Variants in MIOS observed in about 807,000 individuals in gnomAD.
MIOS encodes the protein meiosis regulator for oocyte development.
A neutral mutation model predicts 96.9 loss-of-function variants in MIOS; 52 were observed. The observed-to-expected ratio is 0.54, with a 90% CI of 0.43 to 0.68. MIOS has a LOEUF of 0.68. Ranked by LOEUF, MIOS falls within the 30% of genes least tolerant of loss-of-function variation. The pLI is 0.00. For synonymous variants in MIOS, 397 were observed against 359.5 expected (o/e 1.10, Z -1.18); for missense variants, 1,005 against 1,052.8 (o/e 0.95, Z 0.63).
chr7:7,587,899 T>C (rs548550286), intron 7 of MIOS, among the ~76,000 whole-genome samples: 41 of 152,332 alleles, frequency 2.7e-4, no homozygotes, highest in Non-Finnish European at 5.1e-4. Context: ...TCAAAAGTGT[T>C]TCATGATATT....
intron 11 of MIOS, among the ~76,000 whole-genome samples, chr7:7,600,823 C>T (rs1583657582): frequency 6.6e-6 from 1 of 152,146 alleles, no homozygotes. Flanking sequence ...GGAAGTAAAG[C>T]ACTCCTCAGC....
intron 3 of MIOS, among the ~76,000 whole-genome samples, chr7:7,569,890 A>G (rs1332685848): frequency 6.6e-6 from 1 of 152,238 alleles, no homozygotes; most frequent in Admixed American, 6.5e-5. Context: ...TATATACTCT[A>G]GGAAGTGGAA....
intron 9 of MIOS, among the ~76,000 whole-genome samples, chr7:7,593,408 CT>C (rs3840622): frequency 2.0e-5 from 3 of 151,070 alleles, no homozygotes; most frequent in Non-Finnish European, 3.0e-5. Flanking sequence ...GATTTTTGTT[CT>C]TTTTTTTTAT....
intron 5 of MIOS, among the ~76,000 whole-genome samples, chr7:7,578,953 T>C (rs905600389): frequency 6.6e-6 from 1 of 152,154 alleles, no homozygotes; most frequent in Admixed American, 6.5e-5. Context: ...TCAAGTGATC[T>C]GCCTGCCTCG....
Position 7,606,046 on chromosome 7 carries a change from G to T in MIOS, c.2506G>T (p.Ala836Ser). ...TCATAATTGCAGGCACGGTGGACAT[G>T]CTGGACATATGCTTAGTTGGTTCAG... ...WCHNCRHGGH[A>S]GHMLSWFRDH... The change falls in exon 12 of 13, where the codon GCT becomes TCT. Residue 836 changes from alanine to serine, a missense_variant. This residue lies in a region of MIOS where 865 missense variants were observed against 887.9 expected (regional missense o/e 0.97). Transcript: ENST00000340080. The T allele has an allele frequency of 6.2e-7, 1 of 1,613,920 alleles. No individual in the cohort carries two copies.
In MIOS at chr7:7,602,314, C is replaced by T. The variant is rs1470041449; in HGVS notation, c.2402-3628C>T. The stretch of plus-strand genomic sequence containing the variant: ...TGTTTGCAGATGACATGATTGTATA[C>T]CTAGAAATCCCCATTGTCTCAGCCC... On this transcript the variant is annotated intron_variant, in intron 11 of 12. Coordinates refer to ENST00000340080, the MANE Select transcript of MIOS (RefSeq NM_019005.4). Among the ~76,000 whole-genome samples the T allele has an allele frequency of 4.6e-5, 7 of 152,022 alleles. No individual in the cohort carries two copies. The East Asian group carries it at 9.6e-4, about 21-fold the overall frequency.
intron 7 of MIOS, among the ~76,000 whole-genome samples, chr7:7,586,184 G>GTT (rs1024993003): frequency 3.3e-5 from 2 of 61,194 alleles, no homozygotes; most frequent in Non-Finnish European, 7.6e-5. Context: ...GTGTGTGTGT[G>GTT]TGTGTGTGTG....
chr7:7,593,879 CA>C (rs35986278), intron 9 of MIOS, among the ~76,000 whole-genome samples: 1 of 47,862 alleles, frequency 2.1e-5, no homozygotes, highest in Non-Finnish European at 4.5e-5. Flanking sequence ...ACTCTGTCTC[CA>C]AAAAAAAAAA....
At chr7:7,593,439 T>G (rs1180223131) in intron 9 of MIOS, among the ~76,000 whole-genome samples, 1 of 152,162 alleles carries the variant, frequency 6.6e-6, no homozygotes, top group Admixed American at 6.5e-5. Flanking sequence ...ATACGCCAGG[T>G]TCTCTCTGAA....
At chr7:7,590,067 C>G (rs1282275448) in intron 9 of MIOS, among the ~76,000 whole-genome samples, 1 of 152,162 alleles carries the variant, frequency 6.6e-6, no homozygotes, top group Admixed American at 6.5e-5. Flanking sequence ...AGATTGCTGT[C>G]TACTTTACTT....
chr7:7,607,162 C>T lies in MIOS; in HGVS notation c.*70C>T, dbSNP rs904167426. ...GTAGGTGTCCTTCATAGCTCAGAAA[C>T]ATACCTCAGAACAAGCCATTCATGA... On this transcript the variant is annotated 3_prime_UTR_variant, in exon 13 of 13. Coordinates refer to ENST00000340080, the MANE Select transcript of MIOS (RefSeq NM_019005.4). The T allele has an allele frequency of 5.2e-5, 62 of 1,185,900 alleles. No individual in the cohort carries two copies. Among genetic ancestry groups the T allele is most frequent in the Middle Eastern group, 2.0e-4 (1 of 5,122 alleles). The allele number at this position is 1,185,900 out of a possible 1,614,324, so 73.5% of individuals were successfully genotyped here.
intron 11 of MIOS, among the ~76,000 whole-genome samples, chr7:7,600,113 T>C (rs1163000733): frequency 1.3e-5 from 2 of 151,824 alleles, no homozygotes; most frequent in Admixed American, 6.6e-5. Context: ...AAAACCCCCA[T>C]GACACGCAAT....
At chr7:7,568,275 C>G (rs1004624427) in intron 3 of MIOS, among the ~76,000 whole-genome samples, 152 bp downstream of exon 3, 2 of 152,124 alleles carry the variant, frequency 1.3e-5, no homozygotes, top group South Asian at 2.1e-4. Flanking sequence ...GTGAAGAGCT[C>G]ATTTCAGTTG....
chr7:7,607,268 A>G lies in MIOS; in HGVS notation c.*176A>G, dbSNP rs1202312635. 1 of 509,520 alleles carries G rather than the reference A, an allele frequency of 2.0e-6. No homozygotes were observed. Among genetic ancestry groups the G allele is most frequent in the Non-Finnish European group, 3.4e-6 (1 of 292,602 alleles). 31.6% of individuals were successfully genotyped at this position (509,520 alleles called of 1,614,324 possible). A position where few individuals can be genotyped will look rare whatever the true frequency, so the allele number is the denominator to read the frequency against. On this transcript the variant is annotated 3_prime_UTR_variant, in exon 13 of 13. Coordinates refer to ENST00000340080, the MANE Select transcript of MIOS (RefSeq NM_019005.4). ...AGTGATTTTGATATGCTTCACAGAG[A>G]CAAATGCTGCCAAAATAAACATCGA... is the stretch of plus-strand genomic sequence containing the variant.
At chr7:7,596,513 A>G (rs914841116) in intron 11 of MIOS, 52 bp downstream of exon 11, 5 of 1,507,358 alleles carry the variant, frequency 3.3e-6, no homozygotes, top group Non-Finnish European at 3.7e-6. Context: ...ATTCTTACAT[A>G]ATTGAGTTAA....
chr7:7,574,262 G>A (rs2051164080), intron 5 of MIOS, 66 bp downstream of exon 5: 1 of 1,184,634 alleles, frequency 8.4e-7, no homozygotes, highest in African/African-American at 1.6e-5. Flanking sequence ...TTTGCCCCCT[G>A]TCATTTGGCA....
intron 11 of MIOS, among the ~76,000 whole-genome samples, chr7:7,602,936 C>G (rs1784422155): frequency 6.6e-6 from 1 of 152,156 alleles, no homozygotes; most frequent in Non-Finnish European, 1.5e-5. Context: ...ACCATCTGAT[C>G]TTTGACAAAC....
intron 9 of MIOS, among the ~76,000 whole-genome samples, chr7:7,593,622 G>A (rs6956562): frequency 0.21 from 31,945 of 151,706 alleles, 3,865 homozygotes; most frequent in African/African-American, 0.33. Flanking sequence ...GGCCGGGCAC[G>A]GTGACTCATG....
In MIOS at chr7:7,604,053, G is replaced by A. The variant is rs376027232; in HGVS notation, c.2402-1889G>A. 9.3e-5 allele frequency among the ~76,000 whole-genome samples: 14 copies of A among 150,686 alleles called. No individual in the cohort carries two copies. In the East Asian group the frequency reaches 1.2e-3, roughly 13 times the overall value. ...CACAGTAAGGGGAACATTACACATC[G>A]GGGACTGTTGTGGGGTGCGGGGAAG... On this transcript the variant is annotated intron_variant, in intron 11 of 12. Transcript: ENST00000340080.
Sources: gnomAD v4.1 joint callset for allele counts (sites outside exome capture counted in the v4.1 genomes callset) on GRCh38, gnomAD v4.1.1 for gene constraint, gnomAD v4.1.1 regional missense constraint, MANE v1.5 for transcripts, NCBI Gene and HGNC (gene_info 2026-07-23, HGNC 2026-07-21) for gene names.